Variants in EIF4G2 observed in about 807,000 individuals in gnomAD.
The protein encoded by EIF4G2 is eukaryotic translation initiation factor 4 gamma 2, also known as DAP-5.
EIF4G2 carries 8 observed loss-of-function variants against 117.7 expected under a neutral mutation model. That is an observed-to-expected ratio of 0.07 (90% CI 0.04 to 0.12). The LOEUF (loss-of-function observed/expected upper bound fraction) is 0.12. EIF4G2 is among the 10% of genes least tolerant of loss of function. The probability of loss-of-function intolerance (pLI) is 1.00; values close to 1 mark genes in which losing one functional copy is unlikely to be tolerated. For missense variants in EIF4G2, 812 were observed against 1,086.2 expected (o/e 0.75, Z 3.55); for synonymous variants, 413 against 367.8 (o/e 1.12, Z -1.41).
chr11:10,804,406 C>A lies in EIF4G2; in HGVS notation c.364G>T (p.Ala122Ser). ...GAGCTATACTTTGGCTCTTCTAGGG[C>A]TTTGTCCACAATCTACAGAAAATGT... The change falls in exon 6 of 22, where the codon GCC becomes TCC. Residue 122 changes from alanine (A) to serine (S), a missense_variant. Physicochemically the swap from Ala to Ser is moderately conservative, Grantham distance 99. Coordinates refer to ENST00000339995, the MANE Select transcript of EIF4G2 (RefSeq NM_001418.4). 1 of 1,592,356 alleles carries A rather than the reference C, an allele frequency of 6.3e-7. No homozygotes were observed. The highest frequency in any genetic ancestry group is 8.5e-7 in the Non-Finnish European group (1 of 1,170,046).
At chr11:10,804,715 G>GAACTT in intron 5 of EIF4G2, 198 bp downstream of exon 5, 1 of 603,030 alleles carries the variant, frequency 1.7e-6, no homozygotes, top group Non-Finnish European at 2.9e-6. Flanking sequence ...ACCATACCAT[G>GAACTT]AACTTAACAT....
chr11:10,803,984 T>C lies in EIF4G2; in HGVS notation c.617A>G (p.Lys206Arg). ...AATGAATTTGATGTTTCCCAACATCTTGATCTTAGCAATGGCTCTCTGTTC... is the reference window on the plus strand; with the variant it reads ...AATGAATTTGATGTTTCCCAACATCCTGATCTTAGCAATGGCTCTCTGTTC... The change falls in exon 8 of 22, where the codon AAG becomes AGG. Residue 206 changes from lysine to arginine, a missense_variant. This residue lies in a region of EIF4G2 where 154 missense variants were observed against 322.1 expected (regional missense o/e 0.48). Coordinates refer to ENST00000339995, the MANE Select transcript of EIF4G2 (RefSeq NM_001418.4). This position sits in a 1 kb window ranked among gnomAD's most constrained non-coding sequence, Gnocchi z 4.0. 1 of 1,614,178 alleles carries C rather than the reference T, an allele frequency of 6.2e-7. No homozygotes were observed. Among genetic ancestry groups the C allele is most frequent in the Admixed American group, 1.7e-5 (1 of 60,024 alleles).
rs1160301158 is a variant in EIF4G2 at position 10,799,490 on chromosome 11, T to C, written c.2324+62A>G. 5.0e-6 allele frequency: 8 copies of C among 1,609,088 alleles called. No individual in the cohort carries two copies. The East Asian group carries it at 1.8e-4, about 36-fold the overall frequency. On this transcript the variant is annotated intron_variant, in intron 19 of 21. Coordinates refer to ENST00000339995, the MANE Select transcript of EIF4G2 (RefSeq NM_001418.4). ...TTCTTGCTCAAGAGACAACTCTTAGTCTCCTACGCTTCTTTTCCAGTACAT... is the reference window on the plus strand; with the variant it reads ...TTCTTGCTCAAGAGACAACTCTTAGCCTCCTACGCTTCTTTTCCAGTACAT...
chr11:10,799,025 T>C lies in EIF4G2; in HGVS notation c.2625A>G (p.Gln875=), dbSNP rs763652572. ...AAGCCTTGCCTTTTCCCGGAAACTC[T>C]TGGGTTATATCTTCTTTCCAAGCCA... The change falls in exon 21 of 22, where the codon CAA becomes CAG. Residue 875 remains glutamine (Q), a synonymous_variant. Transcript: ENST00000339995. The C allele has an allele frequency of 1.6e-5, 25 of 1,610,418 alleles. No homozygotes were observed. The highest frequency in any genetic ancestry group is 2.0e-5 in the Non-Finnish European group (23 of 1,179,030).
rs1276476721 is a variant in EIF4G2 at position 10,797,386 on chromosome 11, G to T, written c.*430C>A. On this transcript the variant is annotated 3_prime_UTR_variant, in exon 22 of 22. Transcript: ENST00000339995. The surrounding 1 kb of genome is among the most constrained non-coding windows in gnomAD (Gnocchi z 4.5). ...GGCAACAACCATCAATTACAGTTAA[G>T]AATTTTTCTGTAACAACCAAATGGA... 2 of 160,430 alleles carry T rather than the reference G, an allele frequency of 1.2e-5. No individual in the cohort carries two copies. The highest frequency in any genetic ancestry group is 2.7e-5 in the Non-Finnish European group (2 of 73,108). 9.9% of individuals were successfully genotyped at this position (160,430 alleles called of 1,614,324 possible).
intron 4 of EIF4G2, among the ~76,000 whole-genome samples, chr11:10,805,502 G>A (rs1352711737): frequency 6.6e-6 from 1 of 151,996 alleles, no homozygotes; most frequent in Admixed American, 6.6e-5. Context: ...CCAGGCTGGA[G>A]TGCAGTGGCG....
intron 18 of EIF4G2, 31 bp from the exon 19 acceptor site, chr11:10,799,787 A>G (rs774486685): frequency 6.9e-6 from 11 of 1,598,804 alleles, no homozygotes; most frequent in Middle Eastern, 3.3e-4. Flanking sequence ...GCATCATCTA[A>G]TAGTTCATTT....
chr11:10,801,964 T>C (rs1265522092), intron 13 of EIF4G2, 85 bp downstream of exon 13: 4 of 488,690 alleles, frequency 8.2e-6, no homozygotes, highest in Non-Finnish European at 9.5e-6. Context: ...ACTAATACTT[T>C]ACTAATCTTA....
In EIF4G2 at chr11:10,799,127, A is replaced by AG. The variant is rs761631759; in HGVS notation, c.2537-15_2537-14insC. ...GAAGTAACATGCCTTAAAAAAAAAAAAAAAAAGAAAAAAGTAATAAGCCCA... is the reference window on the plus strand; with the variant it reads ...GAAGTAACATGCCTTAAAAAAAAAAAGAAAAAAGAAAAAAGTAATAAGCCCA... On this transcript the variant is annotated splice_polypyrimidine_tract_variant and intron_variant, in intron 20 of 21. Coordinates refer to ENST00000339995, the MANE Select transcript of EIF4G2 (RefSeq NM_001418.4). 23 of 1,576,960 alleles carry AG rather than the reference A, an allele frequency of 1.5e-5. No individual in the cohort carries two copies. Among genetic ancestry groups the AG allele is most frequent in the South Asian group, 4.8e-5 (4 of 83,526 alleles).
chr11:10,807,101 T>C lies in EIF4G2; in HGVS notation c.41+154A>G, dbSNP rs1590045842. The C allele has an allele frequency of 2.3e-5, 29 of 1,242,306 alleles. No homozygotes were observed. In the East Asian group the frequency reaches 6.5e-4, roughly 28 times the overall value. 77.0% of individuals were successfully genotyped at this position (1,242,306 alleles called of 1,614,324 possible). On this transcript the variant is annotated intron_variant, in intron 2 of 21. Coordinates refer to ENST00000339995, the MANE Select transcript of EIF4G2 (RefSeq NM_001418.4). Reference sequence around the variant, plus strand: ...AAGGCAAATAATTGATTTTATTTATTCTTCAGATGGCAGTTCTTAGAAGGC... The same window carrying C: ...AAGGCAAATAATTGATTTTATTTATCCTTCAGATGGCAGTTCTTAGAAGGC...
chr11:10,803,438 A>C lies in EIF4G2; in HGVS notation c.813+42T>G, dbSNP rs1480468039. On this transcript the variant is annotated intron_variant, in intron 9 of 21. Coordinates refer to ENST00000339995, the MANE Select transcript of EIF4G2 (RefSeq NM_001418.4). This position sits in a 1 kb window ranked among gnomAD's most constrained non-coding sequence, Gnocchi z 4.0. ...TCACAAAAATCAATAGCTTGATTTA[A>C]AGACAAACTACTTGTACTACTTTCA... The C allele has an allele frequency of 1.3e-6, 2 of 1,586,950 alleles. No individual in the cohort carries two copies. The highest frequency in any genetic ancestry group is 1.7e-6 in the Non-Finnish European group (2 of 1,156,600).
At chr11:10,798,396 T>C (rs1847321809) in intron 21 of EIF4G2, among the ~76,000 whole-genome samples, 1 of 152,060 alleles carries the variant, frequency 6.6e-6, no homozygotes, top group South Asian at 2.1e-4. Flanking sequence ...GTATTTAAAC[T>C]TTTTTTCTTT....
intron 2 of EIF4G2, 131 bp downstream of exon 2, chr11:10,807,124 G>C: frequency 7.4e-7 from 1 of 1,359,916 alleles, no homozygotes; most frequent in East Asian, 2.3e-5. Flanking sequence ...GTTCTTAGAA[G>C]GCTGTCAATG....
At chr11:10,808,117 C>A in intron 1 of EIF4G2, 1 of 1,049,324 alleles carries the variant, frequency 9.5e-7, no homozygotes, top group Non-Finnish European at 1.2e-6. Context: ...CTCCTGCCCA[C>A]CCGCCGCCTC....
chr11:10,808,724 G>C lies in EIF4G2; in HGVS notation c.-106C>G. The C allele has an allele frequency of 5.9e-6, 1 of 168,300 alleles. No individual in the cohort carries two copies. Among genetic ancestry groups the C allele is most frequent in the Non-Finnish European group, 1.3e-5 (1 of 76,666 alleles). 10.4% of individuals were successfully genotyped at this position (168,300 alleles called of 1,614,324 possible). ...ACTCACCTTCACCGAGAACTCAGCA[G>C]CTGCCACCGCAGCTGCCTCCTCAGG... On this transcript the variant is annotated 5_prime_UTR_variant, in exon 1 of 22. Transcript: ENST00000339995.
In EIF4G2 at chr11:10,803,670, C is replaced by T. The variant is rs1564983732; in HGVS notation, c.703-80G>A. The T allele has an allele frequency of 1.5e-6, 2 of 1,309,500 alleles. No individual in the cohort carries two copies. Among genetic ancestry groups the T allele is most frequent in the East Asian group, 4.6e-5 (2 of 43,328 alleles). The allele number at this position is 1,309,500 out of a possible 1,614,324, so 81.1% of individuals were successfully genotyped here. A position where few individuals can be genotyped will look rare whatever the true frequency, so the allele number is the denominator to read the frequency against. On this transcript the variant is annotated intron_variant, in intron 8 of 21. Coordinates refer to ENST00000339995, the MANE Select transcript of EIF4G2 (RefSeq NM_001418.4). This position sits in a 1 kb window ranked among gnomAD's most constrained non-coding sequence, Gnocchi z 4.0. ...AGTACTTTCTTTCCCTTTATGTTTG[C>T]ACTGACTCATTCACAGTTCCTACAG...
At chr11:10,807,098 T>C in intron 2 of EIF4G2, 157 bp downstream of exon 2, 3 of 1,238,682 alleles carry the variant, frequency 2.4e-6, no homozygotes, top group South Asian at 3.0e-5. Flanking sequence ...TGATTTTATT[T>C]ATTCTTCAGA....
intron 11 of EIF4G2, 101 bp from the exon 12 acceptor site, chr11:10,802,536 A>C: frequency 7.2e-7 from 1 of 1,384,994 alleles, no homozygotes; most frequent in Non-Finnish European, 9.7e-7. Flanking sequence ...ATATTAAACC[A>C]TAATTTATGT....
At position 10,801,789 on chromosome 11, in the gene EIF4G2, G is replaced by C; in HGVS notation, c.1300-15C>G. On this transcript the variant is annotated splice_polypyrimidine_tract_variant and intron_variant, in intron 13 of 21. Coordinates refer to ENST00000339995, the MANE Select transcript of EIF4G2 (RefSeq NM_001418.4). ...TGGCTTAGCCCCTATTTCAGAAAAG[G>C]AGAAAGAAAGTCTAGATAAAAAGGG... The C allele has an allele frequency of 6.2e-7, 1 of 1,609,000 alleles. No individual in the cohort carries two copies. The highest frequency in any genetic ancestry group is 8.5e-7 in the Non-Finnish European group (1 of 1,177,416).
Sources: gnomAD v4.1 joint callset for allele counts (sites outside exome capture counted in the v4.1 genomes callset) on GRCh38, gnomAD v4.1.1 for gene constraint, gnomAD v4.1.1 regional missense constraint, Gnocchi (gnomAD v3.1) non-coding constraint, MANE v1.5 for transcripts, NCBI Gene and HGNC (gene_info 2026-07-23, HGNC 2026-07-21) for gene names.